The following SPTBN5 variants were observed in gnomAD, a reference collection of about 807,000 sequenced individuals.
SPTBN5 encodes the protein spectrin beta chain, non-erythrocytic 5.
A neutral mutation model predicts 477.6 loss-of-function variants in SPTBN5; 513 were observed. The ratio of observed to expected loss-of-function variants is 1.07; its 90% CI spans 1.00 to 1.16. The LOEUF is 1.16. SPTBN5 is among the 50% of genes most tolerant of loss of function. The pLI, the probability that SPTBN5 is intolerant of heterozygous loss-of-function variation, is 0.00. For missense variants in SPTBN5, 5,062 were observed against 4,731.8 expected (o/e 1.07, Z -2.05); for synonymous variants, 2,169 against 2,011.7 (o/e 1.08, Z -2.09).
Position 41,849,951 on chromosome 15 carries a change from G to T in SPTBN5, c.10930C>A (p.Leu3644Met). The T allele has an allele frequency of 6.3e-7, 1 of 1,591,756 alleles. No individual in the cohort carries two copies. The highest frequency in any genetic ancestry group is 8.6e-7 in the Non-Finnish European group (1 of 1,168,764). ...GGTTTGGCTTTGAGTTTTGGGCTCA[G>T]ACTCTGGGCTGCAGAGCAAGGGAAT... is the stretch of plus-strand genomic sequence containing the variant. ...RALGSTAAQS[L>M]SPKLKAKPVS... The change falls in exon 67 of 68, where the codon CTG (leucine) becomes ATG (methionine). Residue 3644 changes from leucine (L) to methionine (M), a missense_variant. Transcript: ENST00000320955.
Position 41,861,837 on chromosome 15 carries a change from G to A in SPTBN5, c.7635C>T (p.Ser2545=), listed in dbSNP as rs372012448. The A allele has an allele frequency of 4.8e-5, 77 of 1,605,908 alleles. No homozygotes were observed. In the African/African-American group the frequency reaches 5.5e-4, roughly 11 times the overall value. ...AGCCAGCCAGCACCTGGCGAATGTCGGAGCTGAAGGGGTGCCCCGCTGTGA... is the reference window on the plus strand; with the variant it reads ...AGCCAGCCAGCACCTGGCGAATGTCAGAGCTGAAGGGGTGCCCCGCTGTGA... ...QLLTAGHPFS[S]DIRQVLAGLE... Residue 2545 remains serine, a synonymous_variant, in exon 45 of 68, where the codon TCC becomes TCT. Transcript: ENST00000320955.
intron 47 of SPTBN5, among the ~76,000 whole-genome samples, chr15:41,859,450 C>A (rs762655159): frequency 4.7e-4 from 71 of 152,178 alleles, no homozygotes; most frequent in Non-Finnish European, 8.2e-4. Flanking sequence ...TGAACTACTG[C>A]ACCCAGCCTG....
intron 34 of SPTBN5, 57 bp downstream of exon 34, chr15:41,868,012 A>G: frequency 2.6e-6 from 4 of 1,537,858 alleles, no homozygotes; most frequent in Non-Finnish European, 3.5e-6. Context: ...AGCAGAGAGG[A>G]GAATAGAAAG....
At chr15:41,858,792 C>T (rs2066003294) in intron 48 of SPTBN5, 44 bp from the exon 49 acceptor site, 10 of 1,585,988 alleles carry the variant, frequency 6.3e-6, no homozygotes, top group Non-Finnish European at 8.6e-6. Context: ...GGGCTTTCCC[C>T]TTCCCCTGAC....
chr15:41,890,625 C>G (rs766894773), intron 3 of SPTBN5, among the ~76,000 whole-genome samples: 65 of 152,240 alleles, frequency 4.3e-4, no homozygotes, highest in Non-Finnish European at 7.9e-4. Flanking sequence ...CAGGGGGTGG[C>G]TGGGTCCCTG....
rs1439461591 is a variant in SPTBN5, at chr15:41,875,063, G to C, written c.4288-7C>G. 4 of 1,605,650 alleles carry C rather than the reference G, an allele frequency of 2.5e-6. No homozygotes were observed. The highest frequency in any genetic ancestry group is 1.7e-5 in the Admixed American group (1 of 59,360). On this transcript the variant is annotated splice_polypyrimidine_tract_variant and splice_region_variant and intron_variant, in intron 22 of 67. Coordinates refer to ENST00000320955, the MANE Select transcript of SPTBN5 (RefSeq NM_016642.4). Reference sequence around the variant, plus strand: ...CCAGCTGCTCCTTTGCATCCTGGGAGGGACGCATGGAGCTGCATTAGGTTC... The same window carrying C: ...CCAGCTGCTCCTTTGCATCCTGGGACGGACGCATGGAGCTGCATTAGGTTC...
intron 13 of SPTBN5, 115 bp downstream of exon 13, chr15:41,880,919 A>C: frequency 1.1e-6 from 1 of 913,122 alleles, no homozygotes; most frequent in Non-Finnish European, 1.6e-6. Context: ...AGCCATGATA[A>C]AAGCTCCTTG....
chr15:41,873,748 C>T, intron 25 of SPTBN5, 97 bp downstream of exon 25: 2 of 1,537,784 alleles, frequency 1.3e-6, no homozygotes, highest in South Asian at 1.2e-5. Context: ...GCCCAGAGCC[C>T]CCACCACTGA....
In SPTBN5 at chr15:41,862,275, G is replaced by C. The variant is rs541664098; in HGVS notation, c.7403C>G (p.Ala2468Gly). The part of the protein sequence containing the change: ...RAQKRREALD[A>G]LHQAQKLQAM... ...CTGGAGTTTCTGAGCTTGGTGCAAG[G>C]CATCCAGCGCCTCCCTCCTGCCCAC... The change falls in exon 44 of 68, where the codon GCC becomes GGC. Residue 2468 changes from alanine (A) to glycine (G), a missense_variant. Transcript: ENST00000320955. 4.4e-6 allele frequency: 7 copies of C among 1,604,914 alleles called. No homozygotes were observed. The highest frequency in any genetic ancestry group is 6.0e-6 in the Non-Finnish European group (7 of 1,175,516).
chr15:41,884,796 T>G (rs1349999792), intron 7 of SPTBN5, among the ~76,000 whole-genome samples: 4 of 152,170 alleles, frequency 2.6e-5, no homozygotes. Flanking sequence ...CTGCCACTTG[T>G]TCACTTTGGC....
chr15:41,885,919 C>T lies in SPTBN5; in HGVS notation c.1336G>A (p.Glu446Lys), dbSNP rs1283306267. 2 of 1,581,804 alleles carry T rather than the reference C, an allele frequency of 1.3e-6. No homozygotes were observed. The highest frequency in any genetic ancestry group is 1.1e-5 in the South Asian group (1 of 87,172). The stretch of plus-strand genomic sequence containing the variant: ...GCTCTGGCCTGGTCTAGCACCTGCT[C>T]TGCATCCTTAAGGAAACTCTCCCGG... ...ALRESFLKDA[E>K]QVLDQARAPP... is the part of the protein sequence containing the mutation. The change falls in exon 7 of 68, where the codon GAG becomes AAG. Residue 446 changes from glutamate (E) to lysine (K), a missense_variant. Physicochemically the swap from Glu to Lys is moderately conservative, Grantham distance 56 (BLOSUM62 1). Coordinates refer to ENST00000320955, the MANE Select transcript of SPTBN5 (RefSeq NM_016642.4).
At chr15:41,877,396 C>A in intron 17 of SPTBN5, 40 bp from the exon 18 acceptor site, 2 of 1,585,228 alleles carry the variant, frequency 1.3e-6, no homozygotes, top group African/African-American at 1.3e-5. Flanking sequence ...CCCCAGCAGG[C>A]TCCCTCGTCA....
At position 41,850,912 on chromosome 15, in the gene SPTBN5, A is replaced by T. The variant is rs779903645; in HGVS notation, c.10863T>A (p.Phe3621Leu). 8.1e-6 allele frequency: 13 copies of T among 1,603,184 alleles called. No homozygotes were observed. Among genetic ancestry groups the T allele is most frequent in the Non-Finnish European group, 1.7e-6 (2 of 1,176,054 alleles). ...LRLTSGAEIL[F>L]AAPSEEQAES... is the part of the protein sequence containing the mutation. ...CAGCCTGCTCTTCGGACGGTGCTGC[A>T]AACAGGATCTCTGCCCCACTGGTCA... The change falls in exon 66 of 68, where the codon TTT becomes TTA. Residue 3621 changes from phenylalanine (F) to leucine (L), a missense_variant. Phe to Leu is a conservative substitution (Grantham distance 22). Coordinates refer to ENST00000320955, the MANE Select transcript of SPTBN5 (RefSeq NM_016642.4).
In SPTBN5 at chr15:41,861,467, T is replaced by C. The variant is rs574821569; in HGVS notation, c.7767A>G (p.Glu2589=). 79 of 1,613,618 alleles carry C rather than the reference T, an allele frequency of 4.9e-5. 2 individuals are homozygous for C. In the South Asian group the frequency reaches 8.1e-4, roughly 17 times the overall value. ...AGTCTTCCTTGCTGCAAAGCCAACG[T>C]TCCATCTTCTCCACTGAGCTCAGAA... is the stretch of plus-strand genomic sequence containing the variant. ...QLFLSSVEKM[E]RWLCSKEDSL... Residue 2589 remains glutamate, a synonymous_variant, in exon 46 of 68, where the codon GAA becomes GAG. Coordinates refer to ENST00000320955, the MANE Select transcript of SPTBN5 (RefSeq NM_016642.4).
intron 56 of SPTBN5, among the ~76,000 whole-genome samples, 200 bp downstream of exon 56, chr15:41,854,582 C>A (rs2140914740): frequency 6.6e-6 from 1 of 152,152 alleles, no homozygotes; most frequent in East Asian, 1.9e-4. Context: ...CAGCCCCAGC[C>A]CAGGACCTAC....
intron 5 of SPTBN5, 74 bp downstream of exon 5, chr15:41,887,854 G>A: frequency 1.4e-6 from 2 of 1,450,568 alleles, no homozygotes; most frequent in South Asian, 2.6e-5. Context: ...TGGGAGAACG[G>A]GTGGGCTGAG....
intron 47 of SPTBN5, 146 bp from the exon 48 acceptor site, chr15:41,859,126 TTG>T: frequency 1.7e-6 from 1 of 581,848 alleles, no homozygotes; most frequent in South Asian, 3.3e-5. Context: ...CCCTCTGTAT[TTG>T]TGTCTGTTAT....
intron 11 of SPTBN5, 49 bp downstream of exon 11, chr15:41,882,220 C>A (rs756649530): frequency 3.6e-6 from 5 of 1,402,086 alleles, no homozygotes; most frequent in Admixed American, 2.6e-5. Context: ...ACCCCCACCC[C>A]CGCCTCGCCG....
chr15:41,849,760 C>G, intron 67 of SPTBN5, 109 bp downstream of exon 67: 1 of 841,092 alleles, frequency 1.2e-6, no homozygotes, highest in Non-Finnish European at 1.9e-6. Context: ...TTCCCTACAG[C>G]CCAACAGAGT....
Sources: gnomAD v4.1 joint callset for allele counts (sites outside exome capture counted in the v4.1 genomes callset) on GRCh38, gnomAD v4.1.1 for gene constraint, MANE v1.5 for transcripts, NCBI Gene and HGNC (gene_info 2026-07-23, HGNC 2026-07-21) for gene names.